CHGA: variants seen among roughly 807,000 people sequenced by gnomAD.
CHGA encodes chromogranin-A.
CHGA carries 41 observed loss-of-function variants against 54.4 expected under a neutral mutation model. The ratio of observed to expected loss-of-function variants is 0.75; its 90% CI spans 0.59 to 0.98. CHGA has a LOEUF of 0.98. CHGA is among the 50% of genes least tolerant of loss of function. The pLI is 0.00. For missense variants in CHGA, 576 were observed against 582.3 expected (o/e 0.99, Z 0.11); for synonymous variants, 249 against 232.8 (o/e 1.07, Z -0.63).
chr14:92,932,767 C>G lies in CHGA; in HGVS notation c.1206C>G (p.Ser402Arg). Reference sequence around the variant, plus strand: ...GGAGGCCATCCTCCCGGGAGGACAGCCTTGAGGCGGGCCTGCCCCTCCAGG... The same window carrying G: ...GGAGGCCATCCTCCCGGGAGGACAGGCTTGAGGCGGGCCTGCCCCTCCAGG... ...RGWRPSSRED[S>R]LEAGLPLQVR... Residue 402 changes from serine to arginine, a missense_variant, in exon 7 of 8, where the codon AGC (serine) becomes AGG (arginine). Physicochemically the swap from Ser to Arg is moderately radical, Grantham distance 110. Transcript: ENST00000216492. This position sits in a 1 kb window ranked among gnomAD's most constrained non-coding sequence, Gnocchi z 5.3. The G allele has an allele frequency of 6.3e-7, 1 of 1,599,664 alleles. No homozygotes were observed. The highest frequency in any genetic ancestry group is 8.5e-7 in the Non-Finnish European group (1 of 1,173,056).
chr14:92,924,097 AG>A, intron 1 of CHGA, 101 bp from the exon 2 acceptor site: 1 of 1,317,378 alleles, frequency 7.6e-7, no homozygotes, highest in Non-Finnish European at 1.1e-6. Context: ...GGCAGTTTTG[AG>A]GGGTGGCATT....
At position 92,931,802 on chromosome 14, in the gene CHGA, CTGAAA is replaced by C. The variant is rs1887005311; in HGVS notation, c.808+101_808+105del. ...ACCTCATTCCACCTTCATAACAACC[CTGAAA>C]GGTAGGTATTAGCTCCATTTCCCAG... On this transcript the variant is annotated intron_variant, in intron 6 of 7. Coordinates refer to ENST00000216492, the MANE Select transcript of CHGA (RefSeq NM_001275.4). 3.3e-6 allele frequency: 4 copies of C among 1,219,702 alleles called. No homozygotes were observed. The Admixed American group carries it at 9.3e-5, about 28-fold the overall frequency. The allele number at this position is 1,219,702 out of a possible 1,614,324, so 75.6% of individuals were successfully genotyped here. A position where few individuals can be genotyped will look rare whatever the true frequency, so the allele number is the denominator to read the frequency against.
rs1887009521 is a variant in CHGA at position 92,932,027 on chromosome 14, C to G, written c.808+325C>G. 2.2e-6 allele frequency: 1 copy of G among 453,702 alleles called. No individual in the cohort carries two copies. Among genetic ancestry groups the G allele is most frequent in the African/African-American group, 2.0e-5 (1 of 50,982 alleles). The allele number at this position is 453,702 out of a possible 1,614,324, so 28.1% of individuals were successfully genotyped here. On this transcript the variant is annotated intron_variant, in intron 6 of 7. Coordinates refer to ENST00000216492, the MANE Select transcript of CHGA (RefSeq NM_001275.4). The surrounding 1 kb of genome is among the most constrained non-coding windows in gnomAD (Gnocchi z 5.3). ...GGTGGGCTGGCTTTGGGAACAGAGA[C>G]CATGGCAGGAGCGCACAGGCTGATC...
intron 4 of CHGA, 74 bp downstream of exon 4, chr14:92,927,692 C>A: frequency 2.5e-6 from 3 of 1,194,366 alleles, no homozygotes; most frequent in South Asian, 1.3e-5. Context: ...GTGGAAGATT[C>A]AGCAAGTTCC....
intron 2 of CHGA, among the ~76,000 whole-genome samples, chr14:92,924,905 C>A (rs1437453951): frequency 6.6e-6 from 1 of 152,188 alleles, no homozygotes; most frequent in African/African-American, 2.4e-5. Flanking sequence ...TTTTTCCAGG[C>A]TCTAGTGCTC....
At chr14:92,933,033 C>A in intron 7 of CHGA, 182 bp downstream of exon 7, 4 of 883,204 alleles carry the variant, frequency 4.5e-6, no homozygotes, top group Non-Finnish European at 6.4e-6. Context: ...ACAGGGGGCA[C>A]CCAGCAAAGC....
chr14:92,923,546 C>A, intron 1 of CHGA, 141 bp downstream of exon 1: 4 of 699,958 alleles, frequency 5.7e-6, no homozygotes, highest in East Asian at 3.5e-5. Flanking sequence ...ACAGCGCCTC[C>A]GCCTCCCGCC....
In CHGA at chr14:92,932,054, G is replaced by A; in HGVS notation, c.809-316G>A. 1 of 451,150 alleles carries A rather than the reference G, an allele frequency of 2.2e-6. No homozygotes were observed. The highest frequency in any genetic ancestry group is 3.9e-6 in the Non-Finnish European group (1 of 255,068). 27.9% of individuals were successfully genotyped at this position (451,150 alleles called of 1,614,324 possible). A position where few individuals can be genotyped will look rare whatever the true frequency, so the allele number is the denominator to read the frequency against. On this transcript the variant is annotated intron_variant, in intron 6 of 7. Coordinates refer to ENST00000216492, the MANE Select transcript of CHGA (RefSeq NM_001275.4). The surrounding 1 kb of genome is among the most constrained non-coding windows in gnomAD (Gnocchi z 5.3). ...ATGGCAGGAGCGCACAGGCTGATCT[G>A]GGAACAGTGTCAGCTTCAACTACGG...
chr14:92,932,050 A>C lies in CHGA; in HGVS notation c.809-320A>C. 2 of 445,584 alleles carry C rather than the reference A, an allele frequency of 4.5e-6. No homozygotes were observed. Among genetic ancestry groups the C allele is most frequent in the Non-Finnish European group, 7.9e-6 (2 of 251,688 alleles). 27.6% of individuals were successfully genotyped at this position (445,584 alleles called of 1,614,324 possible). A position where few individuals can be genotyped will look rare whatever the true frequency, so the allele number is the denominator to read the frequency against. On this transcript the variant is annotated intron_variant, in intron 6 of 7. Coordinates refer to ENST00000216492, the MANE Select transcript of CHGA (RefSeq NM_001275.4). The surrounding 1 kb of genome is among the most constrained non-coding windows in gnomAD (Gnocchi z 5.3). ...GACCATGGCAGGAGCGCACAGGCTG[A>C]TCTGGGAACAGTGTCAGCTTCAACT...
In CHGA at chr14:92,923,378, C is replaced by G; in HGVS notation, c.19C>G (p.Leu7Val). The G allele has an allele frequency of 7.7e-7, 1 of 1,296,384 alleles. No individual in the cohort carries two copies. The highest frequency in any genetic ancestry group is 9.7e-7 in the Non-Finnish European group (1 of 1,027,598). The allele number at this position is 1,296,384 out of a possible 1,614,324, so 80.3% of individuals were successfully genotyped here. The change falls in exon 1 of 8, where the codon CTG (leucine) becomes GTG (valine). Residue 7 changes from leucine to valine, a missense_variant. Physicochemically the swap from Leu to Val is conservative, Grantham distance 32. Coordinates refer to ENST00000216492, the MANE Select transcript of CHGA (RefSeq NM_001275.4). MRSAAV[L>V]ALLLCAGQVT... The stretch of plus-strand genomic sequence containing the variant: ...GTCCGCCATGCGCTCCGCCGCTGTC[C>G]TGGCTCTTCTGCTCTGCGCCGGGCA...
In CHGA at chr14:92,923,332, C is replaced by A; in HGVS notation, c.-28C>A. ...GGTGCCTAGGTGCCCGGCCCCACAC[C>A]GCCAGCTGCTCGGCGCCCGGGTCCG... On this transcript the variant is annotated 5_prime_UTR_variant, in exon 1 of 8. Transcript: ENST00000216492. The A allele has an allele frequency of 7.6e-7, 1 of 1,322,540 alleles. No individual in the cohort carries two copies. Among genetic ancestry groups the A allele is most frequent in the Non-Finnish European group, 9.6e-7 (1 of 1,038,858 alleles). 81.9% of individuals were successfully genotyped at this position (1,322,540 alleles called of 1,614,324 possible).
chr14:92,932,934 C>T lies in CHGA; in HGVS notation c.1290+83C>T. 2 of 1,437,526 alleles carry T rather than the reference C, an allele frequency of 1.4e-6. No individual in the cohort carries two copies. Among genetic ancestry groups the T allele is most frequent in the South Asian group, 1.5e-5 (1 of 64,762 alleles). 89.0% of individuals were successfully genotyped at this position (1,437,526 alleles called of 1,614,324 possible). On this transcript the variant is annotated intron_variant, in intron 7 of 7. Transcript: ENST00000216492. The surrounding 1 kb of genome is among the most constrained non-coding windows in gnomAD (Gnocchi z 5.3). Reference sequence around the variant, plus strand: ...GCACCCAGACACACTGCCCCTGCCCCACTGAGGGGACAGGGCCCCCCCGCC... The same window carrying T: ...GCACCCAGACACACTGCCCCTGCCCTACTGAGGGGACAGGGCCCCCCCGCC...
At position 92,932,144 on chromosome 14, in the gene CHGA, G is replaced by C. The variant is rs1887012724; in HGVS notation, c.809-226G>C. 1 of 537,056 alleles carries C rather than the reference G, an allele frequency of 1.9e-6. No individual in the cohort carries two copies. Among genetic ancestry groups the C allele is most frequent in the Non-Finnish European group, 3.2e-6 (1 of 315,022 alleles). 33.3% of individuals were successfully genotyped at this position (537,056 alleles called of 1,614,324 possible). A position where few individuals can be genotyped will look rare whatever the true frequency, so the allele number is the denominator to read the frequency against. ...GTCTTTCCTCACTCTCCAGCTGCCGGGCTTCTGGGGTGAGGATGAGGGGAA... is the reference window on the plus strand; with the variant it reads ...GTCTTTCCTCACTCTCCAGCTGCCGCGCTTCTGGGGTGAGGATGAGGGGAA... On this transcript the variant is annotated intron_variant, in intron 6 of 7. Transcript: ENST00000216492. The surrounding 1 kb of genome is among the most constrained non-coding windows in gnomAD (Gnocchi z 5.3).
Position 92,924,143 on chromosome 14 carries a change from G to T in CHGA, c.47-56G>T, listed in dbSNP as rs940598682. ...GGCCCCAGTGAGCCCGGTCAGAAAG[G>T]ACTGGCCTCCACTTGGAGCAGAGGA... On this transcript the variant is annotated intron_variant, in intron 1 of 7. Coordinates refer to ENST00000216492, the MANE Select transcript of CHGA (RefSeq NM_001275.4). 3.1e-6 allele frequency: 5 copies of T among 1,590,670 alleles called. No individual in the cohort carries two copies. In the African/African-American group the frequency reaches 5.4e-5, roughly 17 times the overall value.
In CHGA at chr14:92,923,275, AC is replaced by A; in HGVS notation, c.-81del. ...CCCGCGCCGGTGCCACCGCAGCCCGACCCCGGCCGCCAGTCCAGCCGCCCCT... is the reference window on the plus strand; with the variant it reads ...CCCGCGCCGGTGCCACCGCAGCCCGACCCGGCCGCCAGTCCAGCCGCCCCT... On this transcript the variant is annotated 5_prime_UTR_variant, in exon 1 of 8. Transcript: ENST00000216492. The A allele has an allele frequency of 1.7e-6, 2 of 1,168,334 alleles. No homozygotes were observed. The highest frequency in any genetic ancestry group is 2.1e-6 in the Non-Finnish European group (2 of 947,256). 72.4% of individuals were successfully genotyped at this position (1,168,334 alleles called of 1,614,324 possible).
chr14:92,928,483 T>C (rs1375546716), intron 4 of CHGA, among the ~76,000 whole-genome samples: 1 of 152,154 alleles, frequency 6.6e-6, no homozygotes, highest in African/African-American at 2.4e-5. Context: ...CCTACTGTTG[T>C]TGGAGGGGGC....
At chr14:92,933,123 T>A in intron 7 of CHGA, 1 of 389,688 alleles carries the variant, frequency 2.6e-6, no homozygotes, top group Non-Finnish European at 4.5e-6. Flanking sequence ...CAGAAGGCAG[T>A]AGGGTGCCCT....
In CHGA at chr14:92,929,122, C is replaced by T. The variant is rs528699124; in HGVS notation, c.257-595C>T. Reference sequence around the variant, plus strand: ...TGGGGACAGTCAGAGGAGGCAGCGGCGGCGGGGGGAGAGGGGTCTCTGGGT... The same window carrying T: ...TGGGGACAGTCAGAGGAGGCAGCGGTGGCGGGGGGAGAGGGGTCTCTGGGT... On this transcript the variant is annotated intron_variant, in intron 4 of 7. Transcript: ENST00000216492. Among the ~76,000 whole-genome samples the T allele has an allele frequency of 3.6e-4, 55 of 152,322 alleles. No homozygotes were observed. In the East Asian group the frequency reaches 9.8e-3, roughly 27 times the overall value.
chr14:92,923,618 C>A (rs1270407771), intron 1 of CHGA, among the ~76,000 whole-genome samples: 1 of 152,222 alleles, frequency 6.6e-6, no homozygotes, highest in East Asian at 1.9e-4. Flanking sequence ...CTCCCAACCC[C>A]CCGGGGCAAC....
Sources: allele counts gnomAD v4.1 joint callset (sites outside exome capture counted in the v4.1 genomes callset), GRCh38; gene constraint gnomAD v4.1.1; non-coding constraint Gnocchi (gnomAD v3.1); transcripts MANE v1.5; gene names NCBI Gene and HGNC (gene_info 2026-07-23, HGNC 2026-07-21).